The following TSGA10 variants were observed in gnomAD, a reference collection of about 807,000 sequenced individuals.
TSGA10 encodes testis specific 10.
Under a neutral mutation model 96.6 loss-of-function variants are expected in TSGA10, and 43 were observed. The ratio of observed to expected loss-of-function variants is 0.44; its 90% CI spans 0.35 to 0.57. TSGA10 has a LOEUF of 0.57. Among genes scored for constraint, TSGA10 ranks in the 20% least tolerant of loss-of-function variants. TSGA10 has a pLI of 0.01. For synonymous variants in TSGA10, 229 were observed against 269.9 expected (o/e 0.85, Z 1.48); for missense variants, 703 against 834.4 (o/e 0.84, Z 1.94).
intron 12 of TSGA10, among the ~76,000 whole-genome samples, chr2:99,078,283 A>G (rs576775915): frequency 6.6e-6 from 1 of 151,664 alleles, no homozygotes; most frequent in Admixed American, 6.6e-5. Flanking sequence ...AAAAAAAAAA[A>G]AAAAAAAAAG....
chr2:99,007,205 T>A (rs766667524), intron 20 of TSGA10, among the ~76,000 whole-genome samples: 1 of 152,124 alleles, frequency 6.6e-6, no homozygotes, highest in Non-Finnish European at 1.5e-5. Context: ...GACGAGTTAA[T>A]GGGTGCAGCA....
chr2:99,119,461 C>T (rs1330432073), intron 2 of TSGA10, among the ~76,000 whole-genome samples: 1 of 152,154 alleles, frequency 6.6e-6, no homozygotes, highest in African/African-American at 2.4e-5. Context: ...TAACTTCCCA[C>T]CACCAGACAC....
At chr2:99,048,426 A>T (rs564182149) in intron 16 of TSGA10, among the ~76,000 whole-genome samples, 18 of 152,210 alleles carry the variant, frequency 1.2e-4, no homozygotes, top group Middle Eastern at 3.4e-3. Context: ...AAATAACACC[A>T]CACATCTACA....
At chr2:99,088,938 T>TTC (rs1160186620) in intron 10 of TSGA10, among the ~76,000 whole-genome samples, 4 of 152,254 alleles carry the variant, frequency 2.6e-5, no homozygotes, top group Non-Finnish European at 5.9e-5. Context: ...CAAAGCAGTG[T>TTC]GTGGAGACTC....
At chr2:99,094,403 A>G (rs2089769418) in intron 10 of TSGA10, among the ~76,000 whole-genome samples, 1 of 152,162 alleles carries the variant, frequency 6.6e-6, no homozygotes. Context: ...AGTAGGTAGG[A>G]CTTAATTAAA....
At chr2:99,019,108 ATCTTCCT>A (rs2079789054) in intron 18 of TSGA10, among the ~76,000 whole-genome samples, 1 of 152,158 alleles carries the variant, frequency 6.6e-6, no homozygotes, top group South Asian at 2.1e-4. Context: ...ATTTAATAGA[ATCTTCCT>A]TAAGGCTAAA....
At chr2:99,147,394 T>C (rs2093643130) in intron 1 of TSGA10, 5 of 1,330,804 alleles carry the variant, frequency 3.8e-6, no homozygotes, top group African/African-American at 1.4e-5. Flanking sequence ...CTTACATATA[T>C]ATTCCAGATT....
At chr2:99,071,150 A>T (rs191416620) in intron 14 of TSGA10, among the ~76,000 whole-genome samples, 10 of 152,310 alleles carry the variant, frequency 6.6e-5, no homozygotes, top group Middle Eastern at 3.4e-3. Flanking sequence ...TTTGGTCTTA[A>T]AAATTTTGAG....
At position 99,078,749 on chromosome 2, in the gene TSGA10, A is replaced by G. The variant is rs2087054148; in HGVS notation, c.792T>C (p.Asn264=). Residue 264 remains asparagine, a synonymous_variant, in exon 12 of 21, where the codon AAT becomes AAC. Transcript: ENST00000393483. The part of the protein sequence containing the change: ...EEISILGGTL[N]DLAKEKECLQ... Reference sequence around the variant, plus strand: ...GGCATTCCTTTTCTTTAGCCAGATCATTGAGGGTTCCACCAAGAATGCTGA... The same window carrying G: ...GGCATTCCTTTTCTTTAGCCAGATCGTTGAGGGTTCCACCAAGAATGCTGA... The G allele has an allele frequency of 6.2e-7, 1 of 1,613,592 alleles. No individual in the cohort carries two copies. Among genetic ancestry groups the G allele is most frequent in the Non-Finnish European group, 8.5e-7 (1 of 1,179,882 alleles).
chr2:99,018,595 T>C lies in TSGA10; in HGVS notation c.1863A>G (p.Thr621=). 1 of 1,614,052 alleles carries C rather than the reference T, an allele frequency of 6.2e-7. No individual in the cohort carries two copies. Residue 621 remains threonine (T), a synonymous_variant, in exon 19 of 21, where the codon ACA becomes ACG. Coordinates refer to ENST00000393483, the MANE Select transcript of TSGA10 (RefSeq NM_025244.4). ...TAATGTCTAAATCAGCTTCCAATTG[T>C]GTGACAACATTTCTGAACTGGGCCA... ...RDVAQFRNVV[T]QLEADLDITK...
At chr2:99,005,159 A>G (rs921107260) in intron 20 of TSGA10, among the ~76,000 whole-genome samples, 5 of 152,208 alleles carry the variant, frequency 3.3e-5, no homozygotes, top group Admixed American at 2.6e-4. Context: ...AATAAGAGCT[A>G]CTTATGACAA....
At chr2:99,121,058 C>T (rs1440530537) in intron 2 of TSGA10, among the ~76,000 whole-genome samples, 13 of 152,134 alleles carry the variant, frequency 8.5e-5, no homozygotes, top group Admixed American at 8.5e-4. Context: ...CACAGTTTAA[C>T]CATTCACCAA....
chr2:99,024,798 T>C (rs2080407437), intron 17 of TSGA10, among the ~76,000 whole-genome samples: 1 of 152,180 alleles, frequency 6.6e-6, no homozygotes, highest in Non-Finnish European at 1.5e-5. Context: ...GTGCCCTTTA[T>C]GAGGTCAAGA....
At chr2:99,114,100 T>C (rs2092044207) in intron 4 of TSGA10, among the ~76,000 whole-genome samples, 1 of 152,242 alleles carries the variant, frequency 6.6e-6, no homozygotes, top group South Asian at 2.1e-4. Flanking sequence ...ATACATTTAA[T>C]ACTATCTCAA....
chr2:99,123,274 A>G (rs1030940253), intron 2 of TSGA10, among the ~76,000 whole-genome samples: 5 of 152,090 alleles, frequency 3.3e-5, no homozygotes, highest in Non-Finnish European at 5.9e-5. Context: ...TCTTTGTGTC[A>G]AATTTGTGGG....
chr2:99,109,194 G>C (rs1422107510), intron 6 of TSGA10, among the ~76,000 whole-genome samples, 195 bp downstream of exon 6: 1 of 152,144 alleles, frequency 6.6e-6, no homozygotes, highest in Non-Finnish European at 1.5e-5. Flanking sequence ...CCTCCCAAGT[G>C]CTAATTATGC....
chr2:99,055,810 A>G (rs1270000606), intron 16 of TSGA10, among the ~76,000 whole-genome samples: 1 of 148,246 alleles, frequency 6.7e-6, no homozygotes, highest in Non-Finnish European at 1.5e-5. Context: ...CCGTGATTGC[A>G]CCACTGCATT....
At chr2:99,068,272 T>G (rs1412328040) in intron 15 of TSGA10, among the ~76,000 whole-genome samples, 1 of 152,230 alleles carries the variant, frequency 6.6e-6, no homozygotes, top group East Asian at 1.9e-4. Flanking sequence ...ATAGGTATAG[T>G]GTTACCTACA....
At chr2:99,045,362 C>G (rs2082658279) in intron 16 of TSGA10, among the ~76,000 whole-genome samples, 1 of 152,152 alleles carries the variant, frequency 6.6e-6, no homozygotes. Flanking sequence ...CAAAGGGAAG[C>G]CCATCAGACT....
Sources: gnomAD v4.1 joint callset for allele counts (sites outside exome capture counted in the v4.1 genomes callset) on GRCh38, gnomAD v4.1.1 for gene constraint, MANE v1.5 for transcripts, NCBI Gene and HGNC (gene_info 2026-07-23, HGNC 2026-07-21) for gene names.